Variants in AIPL1 observed in about 807,000 individuals in gnomAD.
AIPL1 encodes aryl-hydrocarbon-interacting protein-like 1.
In AIPL1, 23 loss-of-function variants were observed where a neutral mutation model predicts 32.9. That is an observed-to-expected ratio of 0.70 (90% CI 0.50 to 0.99). The LOEUF (loss-of-function observed/expected upper bound fraction) is 0.99. AIPL1 is among the 50% of genes least tolerant of loss of function. The pLI, the probability that AIPL1 is intolerant of heterozygous loss-of-function variation, is 0.00. For synonymous variants in AIPL1, 210 were observed against 209.4 expected (o/e 1.00, Z -0.02); for missense variants, 485 against 506.0 (o/e 0.96, Z 0.40).
intron 1 of AIPL1, 27 bp from the exon 2 acceptor site, chr17:6,434,125 T>C (rs1912928428): frequency 6.2e-7 from 1 of 1,608,644 alleles, no homozygotes; most frequent in Non-Finnish European, 8.5e-7. Context: ...TGCACTCTGC[T>C]CTAGACACAC....
chr17:6,426,199 T>C (rs1195228655), intron 5 of AIPL1: 2 of 1,275,302 alleles, frequency 1.6e-6, no homozygotes, highest in Non-Finnish European at 2.0e-6. Context: ...GCCTGATGCA[T>C]GAGCCAGGGG....
intron 2 of AIPL1, among the ~76,000 whole-genome samples, chr17:6,433,609 TCTCACACA>T (rs1278000919): frequency 8.1e-6 from 1 of 122,842 alleles, no homozygotes; most frequent in East Asian, 2.4e-4. Flanking sequence ...TCTCTCTCTC[TCTCACACA>T]CACACACACA....
In AIPL1 at chr17:6,425,258, A is replaced by G. The variant is rs1040958891; in HGVS notation, c.*202T>C. On this transcript the variant is annotated 3_prime_UTR_variant, in exon 6 of 6. Transcript: ENST00000381129. Reference sequence around the variant, plus strand: ...ATGGCACGGAAGGAATGAGAGGGGTAGAGGAGAAAACTACTTTTATTCATA... The same window carrying G: ...ATGGCACGGAAGGAATGAGAGGGGTGGAGGAGAAAACTACTTTTATTCATA... 1.8e-6 allele frequency: 1 copy of G among 568,176 alleles called. No homozygotes were observed. The highest frequency in any genetic ancestry group is 1.9e-5 in the African/African-American group (1 of 53,466). The allele number at this position is 568,176 out of a possible 1,614,324, so 35.2% of individuals were successfully genotyped here.
At chr17:6,426,787 A>T (rs1912018496) in intron 4 of AIPL1, 31 bp from the exon 5 acceptor site, 1 of 1,612,646 alleles carries the variant, frequency 6.2e-7, no homozygotes, top group African/African-American at 1.3e-5. Context: ...CCATGACCTC[A>T]GGCAGCTGCC....
rs1242770470 is a variant in AIPL1, at chr17:6,424,159, G to C, written c.*1301C>G. On this transcript the variant is annotated 3_prime_UTR_variant, in exon 6 of 6. Coordinates refer to ENST00000381129, the MANE Select transcript of AIPL1 (RefSeq NM_014336.5). ...CATCAGACACAGAAGGAGGTCACCA[G>C]ACTGAGGCAGGCGGTGGAGCTTGGA... The C allele has an allele frequency of 6.6e-6, 1 of 152,372 alleles. No homozygotes were observed. Among genetic ancestry groups the C allele is most frequent in the African/African-American group, 2.4e-5 (1 of 41,466 alleles). The allele number at this position is 152,372 out of a possible 1,614,324, so 9.4% of individuals were successfully genotyped here.
chr17:6,434,219 A>G, intron 1 of AIPL1, 121 bp from the exon 2 acceptor site: 1 of 1,133,730 alleles, frequency 8.8e-7, no homozygotes, highest in South Asian at 1.3e-5. Context: ...TCACCCCATC[A>G]GATGCCTCAG....
chr17:6,425,454 G>A lies in AIPL1; in HGVS notation c.*6C>T, dbSNP rs747405848. On this transcript the variant is annotated 3_prime_UTR_variant, in exon 6 of 6. Coordinates refer to ENST00000381129, the MANE Select transcript of AIPL1 (RefSeq NM_014336.5). The stretch of plus-strand genomic sequence containing the variant: ...CCTGCCTGGGTGGCTGTGGGCCTCA[G>A]GGGGCTCAGTGCTGCAGCGAGTGCC... 26 of 1,582,698 alleles carry A rather than the reference G, an allele frequency of 1.6e-5. No homozygotes were observed. The highest frequency in any genetic ancestry group is 2.1e-5 in the Non-Finnish European group (24 of 1,165,590).
Position 6,425,498 on chromosome 17 carries a change from C to CTG in AIPL1, c.1115_1116dup (p.Glu373GlnfsTer46). ...GAGTGCCCTGGGGACGGGGGTGGCT[C>CTG]TGTGGCTGGCTCTGCAGGGGGCCCT... On this transcript the variant is annotated frameshift_variant, in exon 6 of 6. Transcript: ENST00000381129. LOFTEE classifies it low-confidence loss of function (END_TRUNC). The CTG allele has an allele frequency of 6.2e-7, 1 of 1,607,776 alleles. No homozygotes were observed. Among genetic ancestry groups the CTG allele is most frequent in the Non-Finnish European group, 8.5e-7 (1 of 1,178,842 alleles).
chr17:6,425,722 T>G lies in AIPL1; in HGVS notation c.893A>C (p.Gln298Pro), dbSNP rs1330755530. Residue 298 changes from glutamine (Q) to proline (P), a missense_variant, in exon 6 of 6, where the codon CAG becomes CCG. Coordinates refer to ENST00000381129, the MANE Select transcript of AIPL1 (RefSeq NM_014336.5). ...QKVLELEPSM[Q>P]KAVRRELRLL... is the part of the protein sequence containing the mutation. ...CCTCAGCTCCCTGCGCACCGCCTTC[T>G]GCATGGACGGCTCCAGCTCCAGCAC... is the stretch of plus-strand genomic sequence containing the variant. The G allele has an allele frequency of 1.2e-6, 2 of 1,607,850 alleles. No individual in the cohort carries two copies. Among genetic ancestry groups the G allele is most frequent in the Non-Finnish European group, 1.7e-6 (2 of 1,179,992 alleles).
rs182999372 is a variant in AIPL1, at chr17:6,434,844, C to A, written c.96+165G>T. On this transcript the variant is annotated intron_variant, in intron 1 of 5. Transcript: ENST00000381129. The stretch of plus-strand genomic sequence containing the variant: ...TTGAATCTGCAAAGTACCAAAAATG[C>A]CCCCTGAATGGGTAAACGCTGGGAG... 2,636 of 1,273,880 alleles carry A rather than the reference C, an allele frequency of 2.1e-3. 13 individuals are homozygous for A. The highest frequency in any genetic ancestry group is 0.012 in the Middle Eastern group (43 of 3,558). 78.9% of individuals were successfully genotyped at this position (1,273,880 alleles called of 1,614,324 possible).
rs374255033 is a variant in AIPL1 at position 6,426,976 on chromosome 17, C to A, written c.547G>T (p.Gly183Ter). The change falls in exon 4 of 6, where the codon GGA (glycine) becomes TGA (stop). Residue 183 changes from glycine (G) to a stop codon, truncating the protein, a stop_gained. Transcript: ENST00000381129. LOFTEE classifies it high-confidence loss of function. ...EKMKAVPVLH[G>*]EGNRLFKLGR... ...AGCTTGAAGAGCCGATTTCCCTCTCCGTGGAGGACGGGCACCGCCTTCATC... is the reference window on the plus strand; with the variant it reads ...AGCTTGAAGAGCCGATTTCCCTCTCAGTGGAGGACGGGCACCGCCTTCATC... 2 of 1,614,212 alleles carry A rather than the reference C, an allele frequency of 1.2e-6. No individual in the cohort carries two copies. Among genetic ancestry groups the A allele is most frequent in the Admixed American group, 1.7e-5 (1 of 60,032 alleles).
intron 3 of AIPL1, 33 bp from the exon 4 acceptor site, chr17:6,427,090 G>A (rs1346715556): frequency 6.2e-7 from 1 of 1,611,618 alleles, no homozygotes; most frequent in Non-Finnish European, 8.5e-7. Flanking sequence ...GTGAGGCAGG[G>A]ACCCCAGGGG....
intron 2 of AIPL1, 106 bp downstream of exon 2, chr17:6,433,813 G>A: frequency 7.1e-7 from 1 of 1,403,826 alleles, no homozygotes; most frequent in Non-Finnish European, 9.8e-7. Context: ...GCTTTGCAAA[G>A]CTTCGCTTGA....
rs1374974287 is a variant in AIPL1 at position 6,426,336 on chromosome 17, T to G, written c.784+279A>C. ...TTTTTCCCTATATTGATTGCCCCTC[T>G]TTTTTAAACGCCTGTTTACCGTTCC... On this transcript the variant is annotated intron_variant, in intron 5 of 5. Coordinates refer to ENST00000381129, the MANE Select transcript of AIPL1 (RefSeq NM_014336.5). 4 of 1,396,150 alleles carry G rather than the reference T, an allele frequency of 2.9e-6. No homozygotes were observed. The African/African-American group carries it at 5.8e-5, about 20-fold the overall frequency. 86.5% of individuals were successfully genotyped at this position (1,396,150 alleles called of 1,614,324 possible).
rs772502761 is a variant in AIPL1, at chr17:6,426,925, T to C, written c.598A>G (p.Lys200Glu). The stretch of plus-strand genomic sequence containing the variant: ...AGGCAGATGATGGCCTCCTGGTACT[T>C]GGAAGAGGCCTCCTCGTAGCGGCCC... The part of the protein sequence containing the change: ...KLGRYEEASS[K>E]YQEAIICLRN... The change falls in exon 4 of 6, where the codon AAG (lysine) becomes GAG (glutamate). Residue 200 changes from lysine (K) to glutamate (E), a missense_variant. Physicochemically the swap from Lys to Glu is moderately conservative, Grantham distance 56. Transcript: ENST00000381129. 1.9e-6 allele frequency: 3 copies of C among 1,614,212 alleles called. No homozygotes were observed. Among genetic ancestry groups the C allele is most frequent in the East Asian group, 2.2e-5 (1 of 44,874 alleles).
intron 2 of AIPL1, among the ~76,000 whole-genome samples, chr17:6,433,097 GTA>G (rs773971878): frequency 4.6e-5 from 7 of 152,186 alleles, no homozygotes; most frequent in African/African-American, 1.2e-4. Flanking sequence ...GCTGACTTTT[GTA>G]TATGTTTGAA....
At chr17:6,426,402 C>T in intron 5 of AIPL1, 1 of 1,432,776 alleles carries the variant, frequency 7.0e-7, no homozygotes, top group Non-Finnish European at 9.1e-7. Context: ...GGTAAGTGTT[C>T]AAACACACAT....
chr17:6,429,677 A>G (rs769870857), intron 2 of AIPL1, among the ~76,000 whole-genome samples: 2 of 152,106 alleles, frequency 1.3e-5, no homozygotes, highest in African/African-American at 2.4e-5. Flanking sequence ...CTGCATTACA[A>G]TTGTTTAGGT....
At chr17:6,426,237 C>T (rs1911936475) in intron 5 of AIPL1, 2 of 1,275,838 alleles carry the variant, frequency 1.6e-6, no homozygotes, top group Non-Finnish European at 2.0e-6. Context: ...GAGCACGATT[C>T]GAGCATTAAG....
Sources: gnomAD v4.1 joint callset for allele counts (sites outside exome capture counted in the v4.1 genomes callset) on GRCh38, gnomAD v4.1.1 for gene constraint, MANE v1.5 for transcripts, NCBI Gene and HGNC (gene_info 2026-07-23, HGNC 2026-07-21) for gene names.